TEC: variants seen among roughly 807,000 people sequenced by gnomAD.
TEC encodes the protein tyrosine-protein kinase Tec.
A neutral mutation model predicts 93.0 loss-of-function variants in TEC; 72 were observed. That is an observed-to-expected ratio of 0.77 (90% CI 0.64 to 0.94). The LOEUF (loss-of-function observed/expected upper bound fraction) is 0.94. Ranked by LOEUF, TEC falls within the 40% of genes least tolerant of loss-of-function variation. The pLI, the probability that TEC is intolerant of heterozygous loss-of-function variation, is 0.00. For missense variants in TEC, 630 were observed against 757.9 expected, an observed-to-expected ratio of 0.83 and a Z score of 1.98; for synonymous variants, 249 against 247.7, an observed-to-expected ratio of 1.01 and a Z score of -0.05.
chr4:48,175,431 G>C (rs765145525), intron 3 of TEC, among the ~76,000 whole-genome samples: 2 of 152,194 alleles, frequency 1.3e-5, no homozygotes, highest in Admixed American at 6.5e-5. Context: ...CTTGAGCAGG[G>C]AAGGAAGTGG....
At chr4:48,254,863 A>T (rs1247532500) in intron 1 of TEC, among the ~76,000 whole-genome samples, 1 of 151,758 alleles carries the variant, frequency 6.6e-6, no homozygotes, top group Non-Finnish European at 1.5e-5. Flanking sequence ...ACCTCCTTTC[A>T]CTAGGGCAGG....
intron 2 of TEC, among the ~76,000 whole-genome samples, chr4:48,188,778 A>G (rs900769699): frequency 4.6e-5 from 7 of 152,218 alleles, no homozygotes; most frequent in Non-Finnish European, 8.8e-5. Context: ...ACTAAAAGGA[A>G]TTCTTTTTAA....
chr4:48,184,507 C>T (rs1295032303), intron 2 of TEC, among the ~76,000 whole-genome samples: 3 of 152,176 alleles, frequency 2.0e-5, no homozygotes, highest in Non-Finnish European at 4.4e-5. Flanking sequence ...GTTCTCTTGC[C>T]ATCCACATGC....
At position 48,137,217 on chromosome 4, in the gene TEC, TA is replaced by T; in HGVS notation, c.*198del. On this transcript the variant is annotated 3_prime_UTR_variant, in exon 18 of 18. Transcript: ENST00000381501. ...AATGAGTGATTTTAATCACCATTTC[TA>T]AGGCAACATTTCCACACTCTGGGAG... 1.8e-6 allele frequency: 1 copy of T among 567,474 alleles called. No homozygotes were observed. 35.2% of individuals were successfully genotyped at this position (567,474 alleles called of 1,614,324 possible).
chr4:48,142,036 T>C, intron 14 of TEC, among the ~76,000 whole-genome samples: 1 of 152,218 alleles, frequency 6.6e-6, no homozygotes, highest in Non-Finnish European at 1.5e-5. Flanking sequence ...ACTATCCAAT[T>C]TTCTTACTGA....
intron 1 of TEC, among the ~76,000 whole-genome samples, chr4:48,260,988 A>AT (rs200976258): frequency 3.4e-3 from 508 of 151,630 alleles, no homozygotes; most frequent in Non-Finnish European, 5.4e-3. Flanking sequence ...CAAAATGACA[A>AT]TTTTTTTTTA....
chr4:48,248,557 C>T (rs1724119775), intron 1 of TEC, among the ~76,000 whole-genome samples: 2 of 152,230 alleles, frequency 1.3e-5, no homozygotes, highest in African/African-American at 4.8e-5. Flanking sequence ...GGGAATGATG[C>T]AGGCCTTTTT....
Position 48,145,257 on chromosome 4 carries a change from A to T in TEC, c.1292T>A (p.Val431Glu), listed in dbSNP as rs777091415. The T allele has an allele frequency of 6.8e-6, 11 of 1,614,152 alleles. No homozygotes were observed. Among genetic ancestry groups the T allele is most frequent in the Non-Finnish European group, 8.5e-6 (10 of 1,180,014 alleles). The part of the protein sequence containing the change: ...THPKLVQLYG[V>E]CTQQKPIYIV... The stretch of plus-strand genomic sequence containing the variant: ...GTATATTGGTTTCTGCTGGGTGCAC[A>T]CACCATAAAGCTGCACTAACTTCGG... Residue 431 changes from valine to glutamate, a missense_variant, in exon 14 of 18, where the codon GTG becomes GAG. Physicochemically the swap from Val to Glu is moderately radical, Grantham distance 121. This residue lies in a region of TEC where 289 missense variants were observed against 390.0 expected (regional missense o/e 0.74). Transcript: ENST00000381501.
intron 14 of TEC, among the ~76,000 whole-genome samples, chr4:48,143,312 G>T (rs867270733): frequency 6.6e-6 from 1 of 152,160 alleles, no homozygotes; most frequent in Non-Finnish European, 1.5e-5. Flanking sequence ...TGTAAGAATC[G>T]TTTTTGCCAA....
intron 1 of TEC, among the ~76,000 whole-genome samples, chr4:48,261,995 T>C (rs1724507413): frequency 6.6e-6 from 1 of 151,808 alleles, no homozygotes; most frequent in Non-Finnish European, 1.5e-5. Context: ...AGATGGAAAA[T>C]AATGATAATA....
At chr4:48,180,556 T>C (rs1160053420) in intron 2 of TEC, among the ~76,000 whole-genome samples, 1 of 152,166 alleles carries the variant, frequency 6.6e-6, no homozygotes, top group Non-Finnish European at 1.5e-5. Context: ...AGTGATATTT[T>C]GATTTTATTT....
chr4:48,143,994 G>A (rs544684385), intron 14 of TEC, among the ~76,000 whole-genome samples: 1 of 152,294 alleles, frequency 6.6e-6, no homozygotes, highest in Admixed American at 6.5e-5. Context: ...GGAGGCTGAG[G>A]CAGGCAGATT....
chr4:48,171,191 A>G (rs1721096724), intron 4 of TEC, among the ~76,000 whole-genome samples, 177 bp downstream of exon 4: 3 of 152,258 alleles, frequency 2.0e-5, no homozygotes, highest in African/African-American at 4.8e-5. Context: ...TTTAAAAAGG[A>G]AAGTTATCTT....
chr4:48,162,385 T>C (rs1452538647), intron 8 of TEC, among the ~76,000 whole-genome samples: 3 of 152,214 alleles, frequency 2.0e-5, no homozygotes, highest in African/African-American at 4.8e-5. Context: ...AACTTCAATA[T>C]TGAAAAACCT....
chr4:48,253,385 T>G (rs1724260099), intron 1 of TEC, among the ~76,000 whole-genome samples: 2 of 152,080 alleles, frequency 1.3e-5, no homozygotes, highest in African/African-American at 4.8e-5. Context: ...GTAGTCTTAT[T>G]ATGAGCTTTC....
At chr4:48,170,503 C>A in intron 4 of TEC, 127 bp from the exon 5 acceptor site, 2 of 612,362 alleles carry the variant, frequency 3.3e-6, no homozygotes, top group Non-Finnish European at 2.6e-6. Context: ...GCCCTTAGAT[C>A]ACAGGACTCA....
At chr4:48,244,032 C>T (rs372096060) in intron 1 of TEC, among the ~76,000 whole-genome samples, 2 of 150,288 alleles carry the variant, frequency 1.3e-5, no homozygotes, top group African/African-American at 4.9e-5. Flanking sequence ...GGCTAAAAAG[C>T]TGAGTAAGTT....
intron 17 of TEC, 83 bp from the exon 18 acceptor site, chr4:48,137,582 C>A: frequency 1.8e-6 from 2 of 1,127,020 alleles, no homozygotes; most frequent in South Asian, 1.3e-5. Flanking sequence ...CTAAACACAG[C>A]ATATTACAGA....
chr4:48,170,478 GT>G, intron 4 of TEC, 102 bp from the exon 5 acceptor site: 1 of 825,296 alleles, frequency 1.2e-6, no homozygotes, highest in Non-Finnish European at 1.8e-6. Flanking sequence ...TGGACACTAT[GT>G]TTACTATAAG....
Sources: gnomAD v4.1 joint callset for allele counts (sites outside exome capture counted in the v4.1 genomes callset) on GRCh38, gnomAD v4.1.1 for gene constraint, gnomAD v4.1.1 regional missense constraint, MANE v1.5 for transcripts, NCBI Gene and HGNC (gene_info 2026-07-23, HGNC 2026-07-21) for gene names.